The following KCND3 variants were observed in gnomAD, a reference collection of about 807,000 sequenced individuals.
KCND3 encodes A-type voltage-gated potassium channel KCND3.
KCND3 carries 9 observed loss-of-function variants against 51.1 expected under a neutral mutation model. The observed-to-expected ratio is 0.18, with a 90% confidence interval of 0.11 to 0.31. The LOEUF is 0.31. Among genes scored for constraint, KCND3 ranks in the 10% least tolerant of loss-of-function variants. The pLI is 1.00. For synonymous variants in KCND3, 349 were observed against 368.0 expected, an observed-to-expected ratio of 0.95 and a Z score of 0.59; for missense variants, 526 against 903.8, an observed-to-expected ratio of 0.58 and a Z score of 5.36.
chr1:111,784,041 G>A (rs939421498), intron 3 of KCND3, among the ~76,000 whole-genome samples: 11 of 151,630 alleles, frequency 7.3e-5, no homozygotes, highest in Middle Eastern at 3.2e-3. Flanking sequence ...GGCAACCCAC[G>A]GGATCCTTGT....
At chr1:111,852,137 A>G (rs1263670684) in intron 2 of KCND3, among the ~76,000 whole-genome samples, 3 of 152,202 alleles carry the variant, frequency 2.0e-5, no homozygotes. Context: ...GCGTTGCCCA[A>G]TATTAATCAG....
chr1:111,787,236 G>T, intron 2 of KCND3, 130 bp from the exon 3 acceptor site: 1 of 959,472 alleles, frequency 1.0e-6, no homozygotes, highest in Non-Finnish European at 1.6e-6. Context: ...TCTACTATGT[G>T]CCAGGTACTG....
intron 6 of KCND3, among the ~76,000 whole-genome samples, chr1:111,778,126 G>A (rs929738341): frequency 9.2e-5 from 14 of 152,186 alleles, no homozygotes; most frequent in African/African-American, 3.1e-4. Flanking sequence ...GAGTCCCCAC[G>A]GAGCTGGGAT....
At chr1:111,833,632 C>T (rs759615213) in intron 2 of KCND3, among the ~76,000 whole-genome samples, 3 of 152,190 alleles carry the variant, frequency 2.0e-5, no homozygotes, top group Non-Finnish European at 4.4e-5. Flanking sequence ...GTTGGTGGTG[C>T]TGATTTCTGG....
chr1:111,860,701 G>A (rs1379698085), intron 2 of KCND3, among the ~76,000 whole-genome samples: 1 of 152,176 alleles, frequency 6.6e-6, no homozygotes, highest in East Asian at 1.9e-4. Flanking sequence ...GCCTCAGCAG[G>A]GAGGTGACCC....
chr1:111,978,364 G>C (rs1039731310), intron 2 of KCND3, among the ~76,000 whole-genome samples: 2 of 152,228 alleles, frequency 1.3e-5, no homozygotes, highest in Non-Finnish European at 2.9e-5. Flanking sequence ...GGGAGTGTCT[G>C]GAGAAAGGAA....
chr1:111,772,698 T>TA lies in KCND3; in HGVS notation c.*3378dup, dbSNP rs1663970383. ...ATCTTTTCTAGTTCTGATATGCTCT[T>TA]AATACTACATTTTCTAGGTTCACAT... is the stretch of plus-strand genomic sequence containing the variant. On this transcript the variant is annotated 3_prime_UTR_variant, in exon 8 of 8. Coordinates refer to ENST00000302127, the MANE Select transcript of KCND3 (RefSeq NM_001378969.1). The TA allele has an allele frequency of 6.6e-6, 1 of 152,254 alleles. No homozygotes were observed. Among genetic ancestry groups the TA allele is most frequent in the Non-Finnish European group, 1.5e-5 (1 of 68,048 alleles). The allele number at this position is 152,254 out of a possible 1,614,324, so 9.4% of individuals were successfully genotyped here.
At chr1:111,988,732 C>T (rs878862573) in intron 1 of KCND3, 1 of 152,208 alleles carries the variant, frequency 6.6e-6, no homozygotes. Context: ...GACGCTCTCT[C>T]TTAAGAAATA....
At chr1:111,866,768 G>A (rs1668595598) in intron 2 of KCND3, among the ~76,000 whole-genome samples, 1 of 152,070 alleles carries the variant, frequency 6.6e-6, no homozygotes, top group Non-Finnish European at 1.5e-5. Flanking sequence ...CCCCAACTCT[G>A]AGAAAAACAA....
At position 111,819,986 on chromosome 1, in the gene KCND3, C is replaced by A. The variant is rs115320487; in HGVS notation, c.1107-32880G>T. 5.1e-3 allele frequency among the ~76,000 whole-genome samples: 781 copies of A among 152,362 alleles called. 8 individuals are homozygous for A. The highest frequency in any genetic ancestry group is 0.017 in the South Asian group (84 of 4,828). On this transcript the variant is annotated intron_variant, in intron 2 of 7. Transcript: ENST00000302127. ...CAGAATTCCCTGATCCTGCACACTGCAGCCAGATTAATATTCTGAAATGCA... is the reference window on the plus strand; with the variant it reads ...CAGAATTCCCTGATCCTGCACACTGAAGCCAGATTAATATTCTGAAATGCA...
chr1:111,817,098 C>T (rs1384559172), intron 2 of KCND3, among the ~76,000 whole-genome samples: 1 of 151,880 alleles, frequency 6.6e-6, no homozygotes, highest in Non-Finnish European at 1.5e-5. Context: ...GCAGTGTACA[C>T]TGTACCAAAT....
intron 2 of KCND3, among the ~76,000 whole-genome samples, chr1:111,943,420 G>A (rs1672624535): frequency 6.6e-6 from 1 of 152,198 alleles, no homozygotes; most frequent in Admixed American, 6.5e-5. Flanking sequence ...TCAAGCTGGA[G>A]GAAACTTAAG....
chr1:111,982,862 G>A lies in KCND3; in HGVS notation c.-72-64C>T, dbSNP rs1675044482. 8.0e-7 allele frequency: 1 copy of A among 1,253,664 alleles called. No homozygotes were observed. Among genetic ancestry groups the A allele is most frequent in the Non-Finnish European group, 1.1e-6 (1 of 894,936 alleles). The allele number at this position is 1,253,664 out of a possible 1,614,324, so 77.7% of individuals were successfully genotyped here. A position where few individuals can be genotyped will look rare whatever the true frequency, so the allele number is the denominator to read the frequency against. On this transcript the variant is annotated intron_variant, in intron 1 of 7. Transcript: ENST00000302127. The surrounding 1 kb of genome is among the most constrained non-coding windows in gnomAD (Gnocchi z 8.5). Reference sequence around the variant, plus strand: ...ATATCGACTGGCAGGTAAGAAATGGGACACAGGAAAGGATCACTGGTGAGT... The same window carrying A: ...ATATCGACTGGCAGGTAAGAAATGGAACACAGGAAAGGATCACTGGTGAGT...
At chr1:111,944,749 T>C (rs1230087884) in intron 2 of KCND3, among the ~76,000 whole-genome samples, 1 of 152,220 alleles carries the variant, frequency 6.6e-6, no homozygotes, top group Non-Finnish European at 1.5e-5. Flanking sequence ...AATGTTCTTT[T>C]TTGAACACGT....
At chr1:111,983,633 C>G (rs945155109) in intron 1 of KCND3, among the ~76,000 whole-genome samples, 5 of 152,058 alleles carry the variant, frequency 3.3e-5, no homozygotes, top group African/African-American at 1.2e-4. Flanking sequence ...CAGAAGAAGC[C>G]GATCCGCGCT....
intron 2 of KCND3, among the ~76,000 whole-genome samples, chr1:111,964,695 C>G (rs1673871019): frequency 6.6e-6 from 1 of 152,098 alleles, no homozygotes. Context: ...GAGGTAGACA[C>G]AAGAATAGAA....
At chr1:111,847,581 G>A (rs911016641) in intron 2 of KCND3, among the ~76,000 whole-genome samples, 1 of 152,176 alleles carries the variant, frequency 6.6e-6, no homozygotes, top group Admixed American at 6.5e-5. Context: ...CGTGATCTAC[G>A]TGGGGCTGGG....
intron 2 of KCND3, among the ~76,000 whole-genome samples, chr1:111,811,978 T>C (rs1278731222): frequency 3.3e-5 from 5 of 152,196 alleles, no homozygotes; most frequent in African/African-American, 1.2e-4. Context: ...AGTGAGAGCA[T>C]TCCTTGCAGT....
At position 111,772,051 on chromosome 1, in the gene KCND3, A is replaced by T. The variant is rs182271561; in HGVS notation, c.*4026T>A. The T allele has an allele frequency of 2.0e-5, 3 of 152,238 alleles. No homozygotes were observed. Among genetic ancestry groups the T allele is most frequent in the Non-Finnish European group, 4.4e-5 (3 of 68,002 alleles). 9.4% of individuals were successfully genotyped at this position (152,238 alleles called of 1,614,324 possible). ...TGTGGAGGAAAAATCCTAGGACAAG[A>T]TGTCTTAAGTCCTGGATTGCAATAA... On this transcript the variant is annotated 3_prime_UTR_variant, in exon 8 of 8. Coordinates refer to ENST00000302127, the MANE Select transcript of KCND3 (RefSeq NM_001378969.1).
Sources: allele counts gnomAD v4.1 joint callset (sites outside exome capture counted in the v4.1 genomes callset), GRCh38; gene constraint gnomAD v4.1.1; non-coding constraint Gnocchi (gnomAD v3.1); transcripts MANE v1.5; gene names NCBI Gene and HGNC (gene_info 2026-07-23, HGNC 2026-07-21).